The following DPP10 variants were observed in gnomAD, a reference collection of about 807,000 sequenced individuals.
DPP10 encodes the protein dipeptidyl peptidase like 10.
In DPP10, 33 loss-of-function variants were observed where a neutral mutation model predicts 120.9. The ratio of observed to expected loss-of-function variants is 0.27; its 90% CI spans 0.21 to 0.37. The LOEUF is 0.37. DPP10 is among the 10% of genes least tolerant of loss of function. The pLI is 1.00. For missense variants in DPP10, 816 were observed against 942.8 expected, an observed-to-expected ratio of 0.87 and a Z score of 1.76; for synonymous variants, 337 against 326.1, an observed-to-expected ratio of 1.03 and a Z score of -0.36.
chr2:115,023,686 T>C (rs1397548235), intron 1 of DPP10, among the ~76,000 whole-genome samples: 1 of 152,056 alleles, frequency 6.6e-6, no homozygotes, highest in Non-Finnish European at 1.5e-5. Flanking sequence ...AAAAAGATAC[T>C]TGCACATGTT....
At chr2:114,534,864 G>A (rs1027330854) in intron 1 of DPP10, among the ~76,000 whole-genome samples, 2 of 152,102 alleles carry the variant, frequency 1.3e-5, no homozygotes. Context: ...CCCTTTATCT[G>A]CCTCTCCTGG....
intron 1 of DPP10, chr2:115,297,361 G>A (rs1432070280): frequency 2.8e-5 from 8 of 286,830 alleles, no homozygotes; most frequent in South Asian, 1.1e-4. Context: ...ATTTTCTATC[G>A]CTCTACAATG....
intron 1 of DPP10, among the ~76,000 whole-genome samples, chr2:115,103,219 A>C (rs1312418785): frequency 1.6e-5 from 2 of 124,422 alleles, no homozygotes; most frequent in Non-Finnish European, 3.2e-5. Context: ...ACGGAGTCTC[A>C]CTGTGTCGCC....
chr2:115,364,391 T>G (rs576173649), intron 3 of DPP10, among the ~76,000 whole-genome samples: 1 of 152,128 alleles, frequency 6.6e-6, no homozygotes, highest in Non-Finnish European at 1.5e-5. Context: ...CACTATCACT[T>G]TTTACCCTCC....
intron 5 of DPP10, among the ~76,000 whole-genome samples, chr2:115,588,059 A>G (rs977045096): frequency 6.6e-6 from 1 of 152,222 alleles, no homozygotes; most frequent in East Asian, 1.9e-4. Flanking sequence ...TAAAAAATCT[A>G]TTGACCTTTT....
At chr2:115,082,776 C>A (rs1708380566) in intron 1 of DPP10, among the ~76,000 whole-genome samples, 1 of 152,182 alleles carries the variant, frequency 6.6e-6, no homozygotes, top group Admixed American at 6.5e-5. Flanking sequence ...TGAGAGGAAC[C>A]AGTGTGGCCC....
At chr2:115,361,105 A>G (rs2064736261) in intron 3 of DPP10, among the ~76,000 whole-genome samples, 1 of 151,952 alleles carries the variant, frequency 6.6e-6, no homozygotes, top group African/African-American at 2.4e-5. Flanking sequence ...GAGGCTGAGG[A>G]TGGCAGATAG....
At chr2:115,570,772 T>G (rs1039535142) in intron 5 of DPP10, among the ~76,000 whole-genome samples, 4 of 152,200 alleles carry the variant, frequency 2.6e-5, no homozygotes, top group Non-Finnish European at 5.9e-5. Flanking sequence ...AGAAATTAAG[T>G]GTTTGCATAA....
intron 5 of DPP10, among the ~76,000 whole-genome samples, chr2:115,582,595 A>G (rs2082063338): frequency 1.3e-5 from 2 of 152,192 alleles, no homozygotes; most frequent in South Asian, 4.1e-4. Flanking sequence ...ACCTACTCTA[A>G]CAGAGGTATT....
At chr2:114,521,985 T>C (rs867522266) in intron 1 of DPP10, among the ~76,000 whole-genome samples, 14 of 34,712 alleles carry the variant, frequency 4.0e-4, no homozygotes, top group Middle Eastern at 0.018. Flanking sequence ...TTTTTTGTAT[T>C]TTTTTTTTTT....
chr2:115,394,088 G>A (rs750788023), intron 3 of DPP10, among the ~76,000 whole-genome samples: 25 of 152,084 alleles, frequency 1.6e-4, no homozygotes, highest in Admixed American at 3.9e-4. Flanking sequence ...GAATTATGCC[G>A]TTCATCAAAT....
At chr2:115,192,271 C>T in intron 1 of DPP10, among the ~76,000 whole-genome samples, 1 of 152,210 alleles carries the variant, frequency 6.6e-6, no homozygotes, top group Non-Finnish European at 1.5e-5. Context: ...AGGTGGTCTA[C>T]TATTACTAAT....
At chr2:115,312,847 G>C (rs2061638075) in intron 2 of DPP10, among the ~76,000 whole-genome samples, 1 of 152,190 alleles carries the variant, frequency 6.6e-6, no homozygotes, top group African/African-American at 2.4e-5. Flanking sequence ...TATGTCAGGA[G>C]GGGAAGCTTC....
intron 5 of DPP10, among the ~76,000 whole-genome samples, chr2:115,530,418 G>T (rs181278879): frequency 6.6e-6 from 1 of 152,142 alleles, no homozygotes; most frequent in Admixed American, 6.6e-5. Context: ...TGTTAGAGAA[G>T]AATCATATGC....
chr2:114,834,578 C>A (rs543633531), intron 1 of DPP10, among the ~76,000 whole-genome samples: 4 of 142,212 alleles, frequency 2.8e-5, no homozygotes, highest in South Asian at 2.3e-4. Flanking sequence ...TATATATAAG[C>A]CATATCTACG....
At chr2:115,436,168 G>T (rs1487240603) in intron 3 of DPP10, among the ~76,000 whole-genome samples, 1 of 151,814 alleles carries the variant, frequency 6.6e-6, no homozygotes, top group Non-Finnish European at 1.5e-5. Context: ...AATGTATTGG[G>T]TATGGAATAG....
chr2:115,798,341 T>G (rs1337943642), intron 19 of DPP10, among the ~76,000 whole-genome samples: 1 of 152,066 alleles, frequency 6.6e-6, no homozygotes, highest in Non-Finnish European at 1.5e-5. Flanking sequence ...ATATTATTAG[T>G]TTAACATGAC....
intron 1 of DPP10, among the ~76,000 whole-genome samples, chr2:114,574,135 G>A (rs1233461537): frequency 6.6e-6 from 1 of 152,190 alleles, no homozygotes; most frequent in Non-Finnish European, 1.5e-5. Flanking sequence ...GCAAGGGACA[G>A]TGGTGTCAGT....
At chr2:114,480,372 T>C (rs1179266358) in intron 1 of DPP10, among the ~76,000 whole-genome samples, 1 of 152,022 alleles carries the variant, frequency 6.6e-6, no homozygotes. Context: ...ACCCAAAGGA[T>C]TATAAATCAT....
Sources: gnomAD v4.1 joint callset for allele counts (sites outside exome capture counted in the v4.1 genomes callset) on GRCh38, gnomAD v4.1.1 for gene constraint, MANE v1.5 for transcripts, NCBI Gene and HGNC (gene_info 2026-07-23, HGNC 2026-07-21) for gene names.